Variants in DARS1 observed in about 807,000 individuals in gnomAD.
DARS1 encodes the protein aspartate--tRNA ligase, cytoplasmic.
A neutral mutation model predicts 68.8 loss-of-function variants in DARS1; 51 were observed. The ratio of observed to expected loss-of-function variants is 0.74; its 90% confidence interval spans 0.59 to 0.94. The LOEUF (loss-of-function observed/expected upper bound fraction) is 0.94, where lower values mean the gene tolerates loss of function less well. DARS1 is among the 40% of genes least tolerant of loss of function. DARS1 has a pLI of 0.00. For missense variants in DARS1, 607 were observed against 597.3 expected, an observed-to-expected ratio of 1.02 and a Z score of -0.17; for synonymous variants, 203 against 190.4, an observed-to-expected ratio of 1.07 and a Z score of -0.55.
chr2:135,949,051 C>A (rs1681786115), intron 4 of DARS1, among the ~76,000 whole-genome samples: 1 of 151,976 alleles, frequency 6.6e-6, no homozygotes, highest in African/African-American at 2.4e-5. Flanking sequence ...ACCAATAAAT[C>A]ATTTAACCAC....
At chr2:135,963,086 CT>C (rs1682135859) in intron 3 of DARS1, among the ~76,000 whole-genome samples, 3 of 152,260 alleles carry the variant, frequency 2.0e-5, no homozygotes, top group Non-Finnish European at 2.9e-5. Context: ...CTCTAAAGGA[CT>C]TACAAAGGGT....
At chr2:135,952,804 G>T (rs1051492041) in intron 4 of DARS1, among the ~76,000 whole-genome samples, 1 of 152,132 alleles carries the variant, frequency 6.6e-6, no homozygotes, top group South Asian at 2.1e-4. Flanking sequence ...CCATATCTTG[G>T]CTATGGTGAA....
chr2:135,910,926 C>T, intron 15 of DARS1: 1 of 461,084 alleles, frequency 2.2e-6, no homozygotes, highest in Non-Finnish European at 3.9e-6. Flanking sequence ...ACTCCACTTA[C>T]AAGACATTTG....
chr2:135,951,059 G>A (rs1044684903), intron 4 of DARS1, among the ~76,000 whole-genome samples: 1 of 152,220 alleles, frequency 6.6e-6, no homozygotes, highest in African/African-American at 2.4e-5. Context: ...AAATGAGGCA[G>A]CCTGGGGGAG....
At chr2:135,910,874 G>T in intron 15 of DARS1, 1 of 346,016 alleles carries the variant, frequency 2.9e-6, no homozygotes. Flanking sequence ...TTTAATTTGT[G>T]CTAATGCGAA....
In DARS1 at chr2:135,947,975, C is replaced by T. The variant is rs569614960; in HGVS notation, c.321-4495G>A. ...GTTGCCAACCTTAGTAGAAATTCAG[C>T]AAAATCTTTAAATAATAATTTCATA... On this transcript the variant is annotated intron_variant, in intron 4 of 15. Coordinates refer to ENST00000264161, the MANE Select transcript of DARS1 (RefSeq NM_001349.4). Among the ~76,000 whole-genome samples the T allele has an allele frequency of 7.2e-4, 109 of 152,292 alleles. 3 individuals are homozygous for T. Among genetic ancestry groups the T allele is most frequent in the African/African-American group, 2.2e-3 (92 of 41,570 alleles).
intron 3 of DARS1, among the ~76,000 whole-genome samples, chr2:135,964,218 T>TG (rs1682165467): frequency 1.3e-5 from 2 of 152,296 alleles, no homozygotes; most frequent in South Asian, 4.1e-4. Context: ...ATTGATCATA[T>TG]GGGGAAAAAA....
chr2:135,956,300 C>A (rs1348858189), intron 4 of DARS1, among the ~76,000 whole-genome samples: 1 of 152,064 alleles, frequency 6.6e-6, no homozygotes, highest in Admixed American at 6.6e-5. Flanking sequence ...GAAACTTAGA[C>A]CCAAAGATGG....
At chr2:135,955,907 C>T (rs1681962952) in intron 4 of DARS1, among the ~76,000 whole-genome samples, 1 of 152,022 alleles carries the variant, frequency 6.6e-6, no homozygotes. Context: ...GATCTGCCTG[C>T]TTTGGCTTCC....
At chr2:135,918,897 G>A (rs1025822501) in intron 10 of DARS1, among the ~76,000 whole-genome samples, 4 of 152,130 alleles carry the variant, frequency 2.6e-5, no homozygotes, top group Admixed American at 1.3e-4. Context: ...GCATCAAAAT[G>A]TTTTAGAGAA....
chr2:135,947,016 A>G (rs1681739166), intron 4 of DARS1, among the ~76,000 whole-genome samples: 1 of 152,166 alleles, frequency 6.6e-6, no homozygotes, highest in Admixed American at 6.5e-5. Context: ...TCCTGGGCTC[A>G]AGTGATCCAC....
intron 4 of DARS1, among the ~76,000 whole-genome samples, chr2:135,948,694 G>A (rs768058529): frequency 5.9e-5 from 9 of 151,938 alleles, no homozygotes; most frequent in Non-Finnish European, 8.8e-5. Flanking sequence ...GTGAAACCCC[G>A]TCTCCACTAA....
intron 3 of DARS1, among the ~76,000 whole-genome samples, chr2:135,968,476 A>G (rs1239041465): frequency 6.6e-6 from 1 of 151,790 alleles, no homozygotes; most frequent in African/African-American, 2.4e-5. Flanking sequence ...GCTGGTGGGG[A>G]CTCTGCAGAG....
At chr2:135,967,222 G>A (rs1008581839) in intron 3 of DARS1, among the ~76,000 whole-genome samples, 3 of 152,052 alleles carry the variant, frequency 2.0e-5, no homozygotes, top group East Asian at 1.9e-4. Context: ...TTCATGATTT[G>A]TATTAATCAA....
intron 3 of DARS1, among the ~76,000 whole-genome samples, chr2:135,977,019 G>A (rs1390171273): frequency 1.3e-5 from 2 of 152,078 alleles, no homozygotes; most frequent in Non-Finnish European, 2.9e-5. Context: ...CTTATTATGT[G>A]TTGTGTACCA....
intron 4 of DARS1, among the ~76,000 whole-genome samples, chr2:135,946,186 TCTA>T (rs775794970): frequency 1.7e-4 from 26 of 152,272 alleles, no homozygotes; most frequent in Non-Finnish European, 2.8e-4. Flanking sequence ...AGAATAAAAT[TCTA>T]CTGACTGTAG....
chr2:135,930,867 C>G (rs1302220383), intron 7 of DARS1, among the ~76,000 whole-genome samples: 2 of 152,188 alleles, frequency 1.3e-5, no homozygotes, highest in Non-Finnish European at 2.9e-5. Flanking sequence ...TCCTAACAAC[C>G]TGCTAACCTA....
In DARS1 at chr2:135,943,473, T is replaced by C. The variant is rs1681653092; in HGVS notation, c.328A>G (p.Lys110Glu). Residue 110 changes from lysine (K) to glutamate (E), a missense_variant, in exon 5 of 16, where the codon AAA becomes GAA. Lys to Glu is a moderately conservative substitution (Grantham distance 56). Transcript: ENST00000264161. ...CCTTCTACATCCACAATGCTCTCTTTGTTGATGCTGTCAAGAGAAAAAATT... is the reference window on the plus strand; with the variant it reads ...CCTTCTACATCCACAATGCTCTCTTCGTTGATGCTGTCAAGAGAAAAAATT... ...QMVKFAANINKESIVDVEGVV... is the reference protein window; with the variant it reads ...QMVKFAANINEESIVDVEGVV... The C allele has an allele frequency of 2.5e-6, 4 of 1,612,068 alleles. No individual in the cohort carries two copies. Among genetic ancestry groups the C allele is most frequent in the African/African-American group, 1.3e-5 (1 of 74,806 alleles).
Position 135,924,407 on chromosome 2 carries a change from T to A in DARS1, c.656A>T (p.Gln219Leu). The A allele has an allele frequency of 1.3e-5, 21 of 1,598,974 alleles. No homozygotes were observed. The highest frequency in any genetic ancestry group is 1.7e-5 in the Non-Finnish European group (20 of 1,176,096). ...CATACCTGAAATAATTTTAGGAGTTTGGATTTCCACAAAACCTTTGTTAAT... is the reference window on the plus strand; with the variant it reads ...CATACCTGAAATAATTTTAGGAGTTAGGATTTCCACAAAACCTTTGTTAAT... ...TLINKGFVEI[Q>L]TPKIISAASE... Residue 219 changes from glutamine to leucine, a missense_variant, in exon 8 of 16, where the codon CAA becomes CTA. By Grantham distance (113) the Gln-to-Leu change is moderately radical. Transcript: ENST00000264161.
Sources: allele counts gnomAD v4.1 joint callset (sites outside exome capture counted in the v4.1 genomes callset), GRCh38; gene constraint gnomAD v4.1.1; transcripts MANE v1.5; gene names NCBI Gene and HGNC (gene_info 2026-07-23, HGNC 2026-07-21).